Variants in GRIN2D observed in about 807,000 individuals in gnomAD.
GRIN2D encodes glutamate receptor ionotropic, NMDA 2D.
In GRIN2D, 37 loss-of-function variants were observed where a neutral mutation model predicts 103.2. That is an observed-to-expected ratio of 0.36 (90% confidence interval 0.28 to 0.47). The LOEUF is 0.47. Among genes scored for constraint, GRIN2D ranks in the 20% least tolerant of loss-of-function variants. The pLI, the probability that GRIN2D is intolerant of heterozygous loss-of-function variation, is 1.00. For missense variants in GRIN2D, 1,557 were observed against 1,910.6 expected, an observed-to-expected ratio of 0.81 and a Z score of 3.45; for synonymous variants, 845 against 885.6, an observed-to-expected ratio of 0.95 and a Z score of 0.81.
intron 4 of GRIN2D, among the ~76,000 whole-genome samples, chr19:48,408,897 G>C (rs2147445200): frequency 6.6e-6 from 1 of 152,154 alleles, no homozygotes; most frequent in Non-Finnish European, 1.5e-5. Context: ...AGTGAAGGGA[G>C]AGGGAACAGC....
At chr19:48,412,248 G>T (rs1301819572) in intron 4 of GRIN2D, among the ~76,000 whole-genome samples, 1 of 151,696 alleles carries the variant, frequency 6.6e-6, no homozygotes, top group African/African-American at 2.4e-5. Flanking sequence ...AGAATGGCGT[G>T]AACCTGGGAG....
intron 4 of GRIN2D, 43 bp from the exon 5 acceptor site, chr19:48,413,948 C>T: frequency 1.7e-6 from 2 of 1,144,538 alleles, no homozygotes; most frequent in Admixed American, 1.7e-5. Context: ...TGCCAAGGTC[C>T]AGCCCAGGCC....
Position 48,414,607 on chromosome 19 carries a change from T to C in GRIN2D, c.1412+23T>C. The C allele has an allele frequency of 6.5e-7, 1 of 1,545,342 alleles. No homozygotes were observed. The highest frequency in any genetic ancestry group is 8.7e-7 in the Non-Finnish European group (1 of 1,143,398). On this transcript the variant is annotated intron_variant, in intron 6 of 13. Coordinates refer to ENST00000263269, the MANE Select transcript of GRIN2D (RefSeq NM_000836.4). The surrounding 1 kb of genome is among the most constrained non-coding windows in gnomAD (Gnocchi z 4.6). ...CAGGTGACAGCTCGGGATCCAGGAG[T>C]TCCGGCTCCAAAACCCGCCTCCCGT...
rs1478746030 is a variant in GRIN2D, at chr19:48,405,640, A to C, written c.1085+287A>C. 3.3e-5 allele frequency among the ~76,000 whole-genome samples: 5 copies of C among 152,362 alleles called. No homozygotes were observed. In the East Asian group the frequency reaches 9.6e-4, roughly 29 times the overall value. ...AGATGTGTCTTATAATTGATGACTT[A>C]TCATGGCTTAATTGGCAGCACTTTT... On this transcript the variant is annotated intron_variant, in intron 4 of 13. Transcript: ENST00000263269. This position sits in a 1 kb window ranked among gnomAD's most constrained non-coding sequence, Gnocchi z 5.1.
rs750359083 is a variant in GRIN2D at position 48,405,152 on chromosome 19, C to A, written c.884C>A (p.Pro295Gln). Residue 295 changes from proline (P) to glutamine (Q), a missense_variant, in exon 4 of 14, where the codon CCA (proline) becomes CAA (glutamine). Pro to Gln is a moderately conservative substitution (Grantham distance 76). This residue lies in a region of GRIN2D where 490 missense variants were observed against 601.1 expected (regional missense o/e 0.82). Transcript: ENST00000263269. This position sits in a 1 kb window ranked among gnomAD's most constrained non-coding sequence, Gnocchi z 5.1. ...SGAPGEPPLL[P>Q]GGAPLPAGLF... ...GCCCCTGGTGAGCCCCCTCTTCTGC[C>A]AGGAGGCGCCCCCCTGCCTGCCGGG... The A allele has an allele frequency of 1.3e-6, 2 of 1,574,768 alleles. No individual in the cohort carries two copies. The highest frequency in any genetic ancestry group is 1.7e-6 in the Non-Finnish European group (2 of 1,161,764).
intron 2 of GRIN2D, among the ~76,000 whole-genome samples, chr19:48,396,799 G>A (rs1970648967): frequency 6.6e-6 from 1 of 152,024 alleles, no homozygotes; most frequent in African/African-American, 2.4e-5. Flanking sequence ...CTGTGGGGTG[G>A]ACGAGGCCTG....
intron 8 of GRIN2D, among the ~76,000 whole-genome samples, chr19:48,418,416 A>C (rs1600981215): frequency 6.6e-6 from 1 of 151,970 alleles, no homozygotes; most frequent in Non-Finnish European, 1.5e-5. Flanking sequence ...AGTGGCAGGG[A>C]CTTTGTCCTG....
At position 48,421,665 on chromosome 19, in the gene GRIN2D, A is replaced by AATATTGAAC; in HGVS notation, c.2092-118_2092-110dup. On this transcript the variant is annotated intron_variant, in intron 10 of 13. Coordinates refer to ENST00000263269, the MANE Select transcript of GRIN2D (RefSeq NM_000836.4). The surrounding 1 kb of genome is among the most constrained non-coding windows in gnomAD (Gnocchi z 4.8). ...CTAATGTAGTGAGCGAGTGTTGAGA[A>AATATTGAAC]ATATTGAACACTCCTGGGACTGGGG... 1.3e-6 allele frequency: 1 copy of AATATTGAAC among 768,166 alleles called. No individual in the cohort carries two copies. The highest frequency in any genetic ancestry group is 2.5e-5 in the Admixed American group (1 of 40,544). The allele number at this position is 768,166 out of a possible 1,614,324, so 47.6% of individuals were successfully genotyped here. A position where few individuals can be genotyped will look rare whatever the true frequency, so the allele number is the denominator to read the frequency against.
intron 4 of GRIN2D, among the ~76,000 whole-genome samples, chr19:48,412,479 A>AAGAAAGAG (rs1555892674): frequency 1.0e-4 from 14 of 136,910 alleles, no homozygotes; most frequent in East Asian, 4.4e-4. Context: ...GAAAGAAAGA[A>AAGAAAGAG]AGAGAGAGAA....
At chr19:48,415,177 TTTGG>T (rs763146174) in intron 7 of GRIN2D, 145 bp downstream of exon 7, 366 of 723,544 alleles carry the variant, frequency 5.1e-4, no homozygotes, top group Non-Finnish European at 7.3e-4. Flanking sequence ...TCGAGACCAG[TTTGG>T]GCAAAACGGT....
At chr19:48,409,352 C>T (rs987469717) in intron 4 of GRIN2D, among the ~76,000 whole-genome samples, 2 of 141,040 alleles carry the variant, frequency 1.4e-5, no homozygotes, top group Non-Finnish European at 1.5e-5. Flanking sequence ...GATCTTGGCT[C>T]ATTGCAACCT....
intron 2 of GRIN2D, among the ~76,000 whole-genome samples, chr19:48,397,024 G>A (rs1014179421): frequency 2.0e-5 from 3 of 152,072 alleles, no homozygotes; most frequent in African/African-American, 7.2e-5. Flanking sequence ...TTCAACAGGG[G>A]GCACAGGAAG....
At chr19:48,398,997 C>A (rs1394313568) in intron 3 of GRIN2D, 140 bp downstream of exon 3, 1 of 811,232 alleles carries the variant, frequency 1.2e-6, no homozygotes, top group Non-Finnish European at 1.7e-6. Flanking sequence ...CAAGGTGGGC[C>A]CAGATGGTAG....
chr19:48,404,690 G>T (rs1970760839), intron 3 of GRIN2D, 44 bp from the exon 4 acceptor site: 1 of 1,535,156 alleles, frequency 6.5e-7, no homozygotes, highest in East Asian at 2.3e-5. Flanking sequence ...GAGAAATAAG[G>T]TCCCCACATC....
intron 12 of GRIN2D, 39 bp downstream of exon 12, chr19:48,441,995 G>C (rs985209353): frequency 6.4e-7 from 1 of 1,568,810 alleles, no homozygotes; most frequent in Non-Finnish European, 8.7e-7. Flanking sequence ...CGGAGAGGGG[G>C]AGGGCGAGGC....
At chr19:48,432,478 G>A (rs927594647) in intron 11 of GRIN2D, among the ~76,000 whole-genome samples, 2 of 151,772 alleles carry the variant, frequency 1.3e-5, no homozygotes, top group Non-Finnish European at 2.9e-5. Context: ...TTCTCTGTTT[G>A]TTTATTTATT....
chr19:48,436,375 G>A (rs1011174921), intron 11 of GRIN2D, among the ~76,000 whole-genome samples: 9 of 152,116 alleles, frequency 5.9e-5, no homozygotes, highest in East Asian at 1.9e-4. Context: ...TCTGGGTGGC[G>A]TCAGCTGATC....
chr19:48,402,514 G>A (rs1227564088), intron 3 of GRIN2D, among the ~76,000 whole-genome samples: 1 of 151,074 alleles, frequency 6.6e-6, no homozygotes, highest in African/African-American at 2.4e-5. Context: ...TCAGGAGATC[G>A]AGACCATCCT....
rs1971025551 is a variant in GRIN2D at position 48,421,682 on chromosome 19, G to A, written c.2092-103G>A. ...TGTTGAGAAATATTGAACACTCCTG[G>A]GACTGGGGTGTCTGCCAGATAGCGG... On this transcript the variant is annotated intron_variant, in intron 10 of 13. Coordinates refer to ENST00000263269, the MANE Select transcript of GRIN2D (RefSeq NM_000836.4). This position sits in a 1 kb window ranked among gnomAD's most constrained non-coding sequence, Gnocchi z 4.8. 2.2e-6 allele frequency: 2 copies of A among 905,304 alleles called. No homozygotes were observed. The highest frequency in any genetic ancestry group is 1.5e-5 in the South Asian group (1 of 66,130). 56.1% of individuals were successfully genotyped at this position (905,304 alleles called of 1,614,324 possible).
Sources: gnomAD v4.1 joint callset for allele counts (sites outside exome capture counted in the v4.1 genomes callset) on GRCh38, gnomAD v4.1.1 for gene constraint, gnomAD v4.1.1 regional missense constraint, Gnocchi (gnomAD v3.1) non-coding constraint, MANE v1.5 for transcripts, NCBI Gene and HGNC (gene_info 2026-07-23, HGNC 2026-07-21) for gene names.